CRISPLD2: variants seen among roughly 807,000 people sequenced by gnomAD.
CRISPLD2 encodes cysteine-rich secretory protein LCCL domain-containing 2.
Under a neutral mutation model 71.1 loss-of-function variants are expected in CRISPLD2, and 47 were observed. That is an observed-to-expected ratio of 0.66 (90% confidence interval 0.52 to 0.84). CRISPLD2 has a LOEUF of 0.84. Ranked by LOEUF, CRISPLD2 falls within the 40% of genes least tolerant of loss-of-function variation. The pLI, the probability that CRISPLD2 is intolerant of heterozygous loss-of-function variation, is 0.00. For missense variants in CRISPLD2, 830 were observed against 651.1 expected (o/e 1.27, Z -2.99); for synonymous variants, 317 against 250.1 (o/e 1.27, Z -2.52).
intron 14 of CRISPLD2, among the ~76,000 whole-genome samples, chr16:84,899,489 G>C (rs956795786): frequency 6.6e-6 from 1 of 152,170 alleles, no homozygotes; most frequent in East Asian, 1.9e-4. Flanking sequence ...ACTGCTTGAG[G>C]CATGAACAAC....
intron 6 of CRISPLD2, among the ~76,000 whole-genome samples, chr16:84,862,542 A>G (rs1323496062): frequency 1.3e-5 from 2 of 152,044 alleles, no homozygotes; most frequent in Non-Finnish European, 2.9e-5. Context: ...TTCTGCTACT[A>G]TAAATAACAC....
At chr16:84,878,795 G>A (rs1236301051) in intron 12 of CRISPLD2, among the ~76,000 whole-genome samples, 1 of 152,232 alleles carries the variant, frequency 6.6e-6, no homozygotes, top group Non-Finnish European at 1.5e-5. Flanking sequence ...CTTTATAGAT[G>A]TTCCCCAGGG....
intron 14 of CRISPLD2, among the ~76,000 whole-genome samples, chr16:84,903,505 T>C (rs1414249877): frequency 1.3e-5 from 2 of 151,170 alleles, no homozygotes; most frequent in African/African-American, 2.4e-5. Context: ...GGCAGGAGAA[T>C]CGCTTGAACC....
intron 3 of CRISPLD2, among the ~76,000 whole-genome samples, chr16:84,847,447 C>T (rs947465220): frequency 3.9e-5 from 6 of 152,134 alleles, no homozygotes; most frequent in Non-Finnish European, 7.4e-5. Flanking sequence ...GTCAGGAGTT[C>T]AAGACTATCC....
intron 1 of CRISPLD2, among the ~76,000 whole-genome samples, chr16:84,832,317 T>C (rs1404881867): frequency 6.6e-6 from 1 of 152,216 alleles, no homozygotes; most frequent in Non-Finnish European, 1.5e-5. Context: ...GTGTCCAAGA[T>C]GACACAGGCT....
At chr16:84,873,328 GT>G (rs2143290852) in intron 10 of CRISPLD2, 1 of 423,804 alleles carries the variant, frequency 2.4e-6, no homozygotes, top group Admixed American at 4.4e-5. Flanking sequence ...AAATACAAAA[GT>G]TAGCCAGGCG....
intron 11 of CRISPLD2, 101 bp downstream of exon 11, chr16:84,874,064 G>A (rs2934486): frequency 1.2e-5 from 12 of 1,029,366 alleles, no homozygotes; most frequent in Middle Eastern, 2.1e-4. Context: ...TTTATCATGC[G>A]TGTGAACATT....
intron 11 of CRISPLD2, 152 bp from the exon 12 acceptor site, chr16:84,877,286 T>G: frequency 5.2e-6 from 3 of 577,420 alleles, no homozygotes; most frequent in Non-Finnish European, 9.1e-6. Context: ...CTACGTGGGG[T>G]ACGAGGAGCC....
At chr16:84,862,374 A>T (rs567962348) in intron 6 of CRISPLD2, among the ~76,000 whole-genome samples, 2 of 152,062 alleles carry the variant, frequency 1.3e-5, no homozygotes, top group South Asian at 2.1e-4. Context: ...AATTTTAAAA[A>T]TTTTTTGTAG....
At position 84,839,036 on chromosome 16, in the gene CRISPLD2, C is replaced by T. The variant is rs572218295; in HGVS notation, c.240+301C>T. On this transcript the variant is annotated intron_variant, in intron 2 of 14. Transcript: ENST00000262424. The stretch of plus-strand genomic sequence containing the variant: ...AAGTAGCTGGAACTACAGGCATGCA[C>T]CATGGTGCCCAGCTAGATTTTAAAT... 5.4e-5 allele frequency: 26 copies of T among 485,572 alleles called. 1 individual carries two copies. The highest frequency in any genetic ancestry group is 4.5e-4 in the South Asian group (24 of 53,260). 30.1% of individuals were successfully genotyped at this position (485,572 alleles called of 1,614,324 possible). A position where few individuals can be genotyped will look rare whatever the true frequency, so the allele number is the denominator to read the frequency against.
At chr16:84,905,129 TATATC>T (rs2071789847) in intron 14 of CRISPLD2, among the ~76,000 whole-genome samples, 2 of 151,960 alleles carry the variant, frequency 1.3e-5, no homozygotes, top group South Asian at 2.1e-4. Flanking sequence ...AAAAATAAAA[TATATC>T]AATCAGGCTT....
At chr16:84,867,355 G>T (rs1238694555) in intron 7 of CRISPLD2, among the ~76,000 whole-genome samples, 1 of 152,214 alleles carries the variant, frequency 6.6e-6, no homozygotes, top group Non-Finnish European at 1.5e-5. Context: ...CCTCTGGGAA[G>T]CGCTGGCCCT....
At chr16:84,888,919 T>C (rs1346532800) in intron 13 of CRISPLD2, among the ~76,000 whole-genome samples, 1 of 152,232 alleles carries the variant, frequency 6.6e-6, no homozygotes, top group African/African-American at 2.4e-5. Context: ...TATTTATTTA[T>C]TTGCTCACTC....
chr16:84,837,475 G>C (rs1348736279), intron 1 of CRISPLD2, among the ~76,000 whole-genome samples: 3 of 150,922 alleles, frequency 2.0e-5, no homozygotes, highest in African/African-American at 7.3e-5. Flanking sequence ...AGTGTGCAGT[G>C]GCGCAATCTC....
At chr16:84,850,707 A>T (rs369157084) in intron 5 of CRISPLD2, 24 bp downstream of exon 5, 1 of 1,580,424 alleles carries the variant, frequency 6.3e-7, no homozygotes, top group South Asian at 1.1e-5. Flanking sequence ...ATGCCGTTGT[A>T]TGGGGTGGGG....
At chr16:84,842,989 C>G (rs918674986) in intron 2 of CRISPLD2, among the ~76,000 whole-genome samples, 1 of 152,134 alleles carries the variant, frequency 6.6e-6, no homozygotes, top group African/African-American at 2.4e-5. Flanking sequence ...ACTGTGTGGT[C>G]CTCCCGGTTT....
At position 84,838,524 on chromosome 16, in the gene CRISPLD2, C is replaced by G; in HGVS notation, c.29C>G (p.Pro10Arg). The change falls in exon 2 of 15, where the codon CCC (proline) becomes CGC (arginine). Residue 10 changes from proline (P) to arginine (R), a missense_variant. Coordinates refer to ENST00000262424, the MANE Select transcript of CRISPLD2 (RefSeq NM_031476.4). MSCVLGGVI[P>R]LGLLFLVCGS... Reference sequence around the variant, plus strand: ...AGCTGCGTCCTGGGTGGTGTCATCCCCTTGGGGCTGCTGTTCCTGGTCTGC... The same window carrying G: ...AGCTGCGTCCTGGGTGGTGTCATCCGCTTGGGGCTGCTGTTCCTGGTCTGC... 1.2e-6 allele frequency: 2 copies of G among 1,614,170 alleles called. No individual in the cohort carries two copies. The highest frequency in any genetic ancestry group is 2.7e-5 in the African/African-American group (2 of 75,052).
intron 1 of CRISPLD2, among the ~76,000 whole-genome samples, chr16:84,824,155 G>T (rs927860243): frequency 2.0e-5 from 3 of 152,174 alleles, no homozygotes; most frequent in African/African-American, 7.2e-5. Flanking sequence ...GCCCCAGGCA[G>T]AGGCACCGTG....
At chr16:84,846,204 T>C in intron 3 of CRISPLD2, 1 of 233,306 alleles carries the variant, frequency 4.3e-6, no homozygotes, top group Non-Finnish European at 8.4e-6. Flanking sequence ...CCTTCCTCCC[T>C]CCCTTCCTCC....
Sources: allele counts gnomAD v4.1 joint callset (sites outside exome capture counted in the v4.1 genomes callset), GRCh38; gene constraint gnomAD v4.1.1; transcripts MANE v1.5; gene names NCBI Gene and HGNC (gene_info 2026-07-23, HGNC 2026-07-21).